The following CNTN5 variants were observed in gnomAD, a reference collection of about 807,000 sequenced individuals.
CNTN5 encodes contactin 5.
Under a neutral mutation model 129.1 loss-of-function variants are expected in CNTN5, and 77 were observed. The ratio of observed to expected loss-of-function variants is 0.60; its 90% CI spans 0.50 to 0.72. The LOEUF (loss-of-function observed/expected upper bound fraction) is 0.72. CNTN5 is among the 30% of genes least tolerant of loss of function. The pLI is 0.00. For synonymous variants in CNTN5, 509 were observed against 465.6 expected, an observed-to-expected ratio of 1.09 and a Z score of -1.20; for missense variants, 1,478 against 1,328.8, an observed-to-expected ratio of 1.11 and a Z score of -1.75.
At chr11:100,193,393 T>C (rs1488593260) in intron 14 of CNTN5, 95 bp from the exon 15 acceptor site, 1 of 781,596 alleles carries the variant, frequency 1.3e-6, no homozygotes, top group South Asian at 2.1e-5. Context: ...CTGTATTGTA[T>C]AGATTTCTTC....
chr11:99,318,681 C>A (rs1169020697), intron 1 of CNTN5, among the ~76,000 whole-genome samples: 2 of 152,080 alleles, frequency 1.3e-5, no homozygotes, highest in African/African-American at 4.8e-5. Flanking sequence ...GCTCCCACTA[C>A]TCCCCCATGA....
intron 2 of CNTN5, among the ~76,000 whole-genome samples, chr11:99,444,319 T>C (rs1391983978): frequency 6.6e-6 from 1 of 152,152 alleles, no homozygotes; most frequent in African/African-American, 2.4e-5. Context: ...CAGAAGATAG[T>C]ACTGAAAATG....
At chr11:99,888,118 C>T (rs1948947224) in intron 6 of CNTN5, among the ~76,000 whole-genome samples, 1 of 152,118 alleles carries the variant, frequency 6.6e-6, no homozygotes, top group Non-Finnish European at 1.5e-5. Flanking sequence ...ACGTATATAG[C>T]ACTGAACACA....
intron 6 of CNTN5, among the ~76,000 whole-genome samples, chr11:99,910,842 G>A (rs924062964): frequency 1.3e-5 from 2 of 152,006 alleles, no homozygotes; most frequent in Non-Finnish European, 2.9e-5. Context: ...TTATTATAGG[G>A]TATTTGCATG....
At chr11:99,741,149 A>C (rs1415137446) in intron 3 of CNTN5, among the ~76,000 whole-genome samples, 1 of 152,156 alleles carries the variant, frequency 6.6e-6, no homozygotes, top group Non-Finnish European at 1.5e-5. Context: ...GTATTCAGTG[A>C]GATAAAAGAA....
chr11:100,302,971 G>T (rs1951261724), intron 20 of CNTN5, among the ~76,000 whole-genome samples: 1 of 151,490 alleles, frequency 6.6e-6, no homozygotes, highest in South Asian at 2.1e-4. Context: ...CAACTCTGAG[G>T]TTTACTATTG....
chr11:99,851,488 C>G (rs1391272998), intron 6 of CNTN5, among the ~76,000 whole-genome samples: 2 of 152,180 alleles, frequency 1.3e-5, no homozygotes, highest in Non-Finnish European at 2.9e-5. Flanking sequence ...CACTCTCACA[C>G]TTTGCAAACA....
At chr11:100,180,305 C>T (rs896056422) in intron 13 of CNTN5, among the ~76,000 whole-genome samples, 8 of 151,838 alleles carry the variant, frequency 5.3e-5, no homozygotes, top group Non-Finnish European at 1.2e-4. Flanking sequence ...CAAAAATAAA[C>T]CCACATAAAT....
rs540439903 is a variant in CNTN5 at position 99,582,096 on chromosome 11, G to T, written c.55+25827G>T. The stretch of plus-strand genomic sequence containing the variant: ...TCCTTCACTTATGAAGCTTAATTTG[G>T]CTGGATATGAAATTCTGGGTTGAAA... On this transcript the variant is annotated intron_variant, in intron 3 of 24. Transcript: ENST00000524871. Among the ~76,000 whole-genome samples the T allele has an allele frequency of 9.9e-5, 15 of 152,116 alleles. No individual in the cohort carries two copies. In the South Asian group the frequency reaches 3.1e-3, roughly 32 times the overall value.
intron 2 of CNTN5, among the ~76,000 whole-genome samples, chr11:99,409,477 A>T (rs1466318871): frequency 6.6e-6 from 1 of 152,188 alleles, no homozygotes; most frequent in Non-Finnish European, 1.5e-5. Context: ...TCTCAAAAAT[A>T]AAAAAATAAA....
At chr11:99,498,572 C>A (rs1263144422) in intron 2 of CNTN5, among the ~76,000 whole-genome samples, 2 of 152,126 alleles carry the variant, frequency 1.3e-5, no homozygotes, top group Non-Finnish European at 2.9e-5. Context: ...CTCCCTACTC[C>A]CACCCACCTC....
At chr11:99,092,848 T>C (rs1361771692) in intron 1 of CNTN5, among the ~76,000 whole-genome samples, 1 of 152,074 alleles carries the variant, frequency 6.6e-6, no homozygotes, top group African/African-American at 2.4e-5. Flanking sequence ...GGTGTTATTA[T>C]GGTTTATGTT....
chr11:99,479,148 C>T (rs1187008635), intron 2 of CNTN5, among the ~76,000 whole-genome samples: 1 of 151,854 alleles, frequency 6.6e-6, no homozygotes, highest in Non-Finnish European at 1.5e-5. Context: ...ACTGGTCATC[C>T]TCTTCTAGTT....
At chr11:100,026,272 T>G (rs570029874) in intron 9 of CNTN5, among the ~76,000 whole-genome samples, 2 of 151,138 alleles carry the variant, frequency 1.3e-5, no homozygotes, top group East Asian at 3.9e-4. Flanking sequence ...ATGCCTTGCT[T>G]CTTCTTCACT....
At chr11:99,212,217 C>G (rs1260531777) in intron 1 of CNTN5, among the ~76,000 whole-genome samples, 2 of 152,134 alleles carry the variant, frequency 1.3e-5, no homozygotes, top group African/African-American at 4.8e-5. Context: ...CAGATCACAT[C>G]ACCATTTTAC....
intron 3 of CNTN5, among the ~76,000 whole-genome samples, chr11:99,680,969 T>C (rs567192525): frequency 1.7e-4 from 26 of 151,608 alleles, no homozygotes; most frequent in African/African-American, 6.3e-4. Context: ...TTAACAAGAG[T>C]TTAGAAGTTG....
rs188975598 is a variant in CNTN5, at chr11:99,685,870, T to G, written c.55+129601T>G. On this transcript the variant is annotated intron_variant, in intron 3 of 24. Transcript: ENST00000524871. ...ATTTGTATCTTGTATACTCCTTTTT[T>G]CCTTCTTCATGTAAATTATTTTGGA... is the stretch of plus-strand genomic sequence containing the variant. Among the ~76,000 whole-genome samples, 740 of 152,208 alleles carry G rather than the reference T, an allele frequency of 4.9e-3. 4 individuals are homozygous for G. The highest frequency in any genetic ancestry group is 0.046 in the South Asian group (221 of 4,828).
intron 1 of CNTN5, among the ~76,000 whole-genome samples, chr11:99,278,166 G>A (rs920618800): frequency 1.3e-5 from 2 of 151,544 alleles, no homozygotes; most frequent in African/African-American, 4.8e-5. Context: ...ACGAGAATCT[G>A]TTGTAACATG....
intron 11 of CNTN5, among the ~76,000 whole-genome samples, chr11:100,071,492 AT>A (rs1943921912): frequency 6.6e-6 from 1 of 152,206 alleles, no homozygotes; most frequent in African/African-American, 2.4e-5. Flanking sequence ...CTACAAAAAA[AT>A]TGTAATTTCT....
Sources: gnomAD v4.1 joint callset for allele counts (sites outside exome capture counted in the v4.1 genomes callset) on GRCh38, gnomAD v4.1.1 for gene constraint, MANE v1.5 for transcripts, NCBI Gene and HGNC (gene_info 2026-07-23, HGNC 2026-07-21) for gene names.